Variants in KHDRBS2 observed in about 807,000 individuals in gnomAD.
KHDRBS2 encodes KH RNA binding domain containing, signal transduction associated 2, also known as KH domain-containing, RNA-binding, signal transduction-associated protein 2.
Under a neutral mutation model 44.3 loss-of-function variants are expected in KHDRBS2, and 26 were observed. The observed-to-expected ratio is 0.59, with a 90% confidence interval of 0.43 to 0.81. The LOEUF is 0.81. Ranked by LOEUF, KHDRBS2 falls within the 40% of genes least tolerant of loss-of-function variation. The pLI, the probability that KHDRBS2 is intolerant of heterozygous loss-of-function variation, is 0.00. For synonymous variants in KHDRBS2, 194 were observed against 151.1 expected (o/e 1.28, Z -2.08); for missense variants, 476 against 433.1 (o/e 1.10, Z -0.88).
chr6:62,173,045 A>G (rs1195254743), intron 2 of KHDRBS2, among the ~76,000 whole-genome samples: 1 of 152,044 alleles, frequency 6.6e-6, no homozygotes, highest in Non-Finnish European at 1.5e-5. Flanking sequence ...AACAAGAGCA[A>G]ACCAACATCA....
chr6:61,815,759 T>C (rs1035096501), intron 6 of KHDRBS2, among the ~76,000 whole-genome samples: 1 of 152,234 alleles, frequency 6.6e-6, no homozygotes, highest in Non-Finnish European at 1.5e-5. Flanking sequence ...TCCTGGACAC[T>C]GCTTTCACTT....
At chr6:62,030,706 A>C (rs1455611935) in intron 3 of KHDRBS2, among the ~76,000 whole-genome samples, 3 of 152,116 alleles carry the variant, frequency 2.0e-5, no homozygotes, top group Non-Finnish European at 4.4e-5. Context: ...TTTCTAAAAA[A>C]TTCATAGTCT....
At chr6:62,253,522 ATCTTAGC>A (rs1836887486) in intron 1 of KHDRBS2, among the ~76,000 whole-genome samples, 1 of 151,802 alleles carries the variant, frequency 6.6e-6, no homozygotes, top group Non-Finnish European at 1.5e-5. Flanking sequence ...CCGTCCCTCT[ATCTTAGC>A]TAAAATGCAA....
chr6:62,154,192 A>G (rs1815865380), intron 2 of KHDRBS2, among the ~76,000 whole-genome samples: 1 of 152,162 alleles, frequency 6.6e-6, no homozygotes. Context: ...CAGGTTAGGA[A>G]AGGTGGGCAT....
At chr6:61,851,071 G>C (rs1291184193) in intron 6 of KHDRBS2, among the ~76,000 whole-genome samples, 15 of 152,070 alleles carry the variant, frequency 9.9e-5, no homozygotes, top group African/African-American at 3.1e-4. Flanking sequence ...CTCACAGTTG[G>C]TCACTCATCT....
chr6:61,829,705 G>C (rs1198513363), intron 6 of KHDRBS2, among the ~76,000 whole-genome samples: 1 of 152,174 alleles, frequency 6.6e-6, no homozygotes. Context: ...ATAAACTCAT[G>C]TGTCAAATCA....
intron 6 of KHDRBS2, among the ~76,000 whole-genome samples, chr6:61,841,886 A>G (rs1002256247): frequency 6.6e-6 from 1 of 152,100 alleles, no homozygotes; most frequent in East Asian, 1.9e-4. Context: ...ACCTTTCCTC[A>G]TTTGTGTTTT....
intron 7 of KHDRBS2, among the ~76,000 whole-genome samples, chr6:61,720,463 T>C (rs1238414255): frequency 4.6e-5 from 7 of 152,092 alleles, no homozygotes; most frequent in Non-Finnish European, 1.0e-4. Flanking sequence ...TTTTAATGAT[T>C]GCCATTCTAA....
At chr6:61,719,354 T>C (rs1771976382) in intron 7 of KHDRBS2, among the ~76,000 whole-genome samples, 2 of 152,064 alleles carry the variant, frequency 1.3e-5, no homozygotes, top group Admixed American at 6.6e-5. Context: ...GGTAGAGCTG[T>C]TTTTCTTTTT....
rs1466894541 is a variant in KHDRBS2, at chr6:61,914,497, C to T, written c.484-13126G>A. ...ACACAGGAAGGGGAACATCACACAC[C>T]GGGGTCTGTTGTGGGGTAGGGGGAG... On this transcript the variant is annotated intron_variant, in intron 4 of 8. Coordinates refer to ENST00000281156, the MANE Select transcript of KHDRBS2 (RefSeq NM_152688.4). Among the ~76,000 whole-genome samples the T allele has an allele frequency of 5.6e-5, 5 of 89,078 alleles. No individual in the cohort carries two copies. In the East Asian group the frequency reaches 1.5e-3, roughly 26 times the overall value. 58.4% of individuals were successfully genotyped at this position (89,078 alleles called of 152,430 possible).
intron 7 of KHDRBS2, among the ~76,000 whole-genome samples, chr6:61,708,635 T>C (rs1174345441): frequency 6.6e-6 from 1 of 151,712 alleles, no homozygotes; most frequent in Non-Finnish European, 1.5e-5. Context: ...CATGTTTGTG[T>C]ATAAATGTAA....
intron 4 of KHDRBS2, among the ~76,000 whole-genome samples, chr6:61,928,962 G>A (rs534211650): frequency 6.6e-6 from 1 of 152,006 alleles, no homozygotes; most frequent in Non-Finnish European, 1.5e-5. Flanking sequence ...CTTTGGTAGT[G>A]AAATTTGAAA....
chr6:62,207,795 A>G (rs77364049), intron 1 of KHDRBS2, among the ~76,000 whole-genome samples: 112 of 152,256 alleles, frequency 7.4e-4, no homozygotes, highest in African/African-American at 2.5e-3. Context: ...TATATTATCT[A>G]TATTTGATGT....
chr6:62,266,118 GTGAC>G (rs1462608936), intron 1 of KHDRBS2, among the ~76,000 whole-genome samples: 1 of 152,088 alleles, frequency 6.6e-6, no homozygotes, highest in Non-Finnish European at 1.5e-5. Flanking sequence ...CCTCACTTAG[GTGAC>G]TGACTTTCAA....
At chr6:61,728,648 T>A (rs561440004) in intron 7 of KHDRBS2, among the ~76,000 whole-genome samples, 1 of 152,200 alleles carries the variant, frequency 6.6e-6, no homozygotes, top group African/African-American at 2.4e-5. Flanking sequence ...GATGTTCTTA[T>A]GTGCTGGAGA....
chr6:61,947,852 C>T (rs997117783), intron 4 of KHDRBS2, among the ~76,000 whole-genome samples: 2 of 151,052 alleles, frequency 1.3e-5, no homozygotes, highest in Non-Finnish European at 2.9e-5. Context: ...AAGTTAGGCA[C>T]CTCCTTGATT....
Position 62,141,672 on chromosome 6 carries a change from T to C in KHDRBS2, c.219+35513A>G, listed in dbSNP as rs1812837491. Among the ~76,000 whole-genome samples the C allele has an allele frequency of 7.2e-5, 11 of 152,104 alleles. No homozygotes were observed. The South Asian group carries it at 2.3e-3, about 31-fold the overall frequency. Reference sequence around the variant, plus strand: ...TTTATAGTCGGTCTTGATATATACATGCAATCCCTCTATATAGTAAACATT... The same window carrying C: ...TTTATAGTCGGTCTTGATATATACACGCAATCCCTCTATATAGTAAACATT... On this transcript the variant is annotated intron_variant, in intron 2 of 8. Coordinates refer to ENST00000281156, the MANE Select transcript of KHDRBS2 (RefSeq NM_152688.4).
chr6:62,236,765 T>C (rs926311125), intron 1 of KHDRBS2, among the ~76,000 whole-genome samples: 1 of 152,122 alleles, frequency 6.6e-6, no homozygotes, highest in Non-Finnish European at 1.5e-5. Context: ...AATAAATTGT[T>C]AGGTATATTT....
chr6:61,712,869 G>C (rs1386982176), intron 7 of KHDRBS2, among the ~76,000 whole-genome samples: 1 of 151,402 alleles, frequency 6.6e-6, no homozygotes, highest in Non-Finnish European at 1.5e-5. Context: ...TAATTTAATA[G>C]TACTGAATAT....
Sources: gnomAD v4.1 joint callset for allele counts (sites outside exome capture counted in the v4.1 genomes callset) on GRCh38, gnomAD v4.1.1 for gene constraint, MANE v1.5 for transcripts, NCBI Gene and HGNC (gene_info 2026-07-23, HGNC 2026-07-21) for gene names.